Variants in A3GALT2 observed in about 807,000 individuals in gnomAD.
The protein encoded by A3GALT2 is alpha-1,3-galactosyltransferase 2.
A neutral mutation model predicts 16.6 loss-of-function variants in A3GALT2; 14 were observed. That is an observed-to-expected ratio of 0.84 (90% confidence interval 0.56 to 1.32). The LOEUF (loss-of-function observed/expected upper bound fraction) is 1.32, where lower values mean the gene tolerates loss of function less well. Among genes scored for constraint, A3GALT2 ranks in the 40% most tolerant of loss-of-function variants. A3GALT2 has a pLI of 0.00. For synonymous variants in A3GALT2, 253 were observed against 218.0 expected (o/e 1.16, Z -1.42); for missense variants, 600 against 490.9 (o/e 1.22, Z -2.10).
Position 33,307,018 on chromosome 1 carries a change from C to T in A3GALT2, c.771G>A (p.Val257=), listed in dbSNP as rs1300245687. 29 of 1,473,296 alleles carry T rather than the reference C, an allele frequency of 2.0e-5. No homozygotes were observed. The East Asian group carries it at 8.1e-4, about 41-fold the overall frequency. The allele number at this position is 1,473,296 out of a possible 1,614,324, so 91.3% of individuals were successfully genotyped here. A position where few individuals can be genotyped will look rare whatever the true frequency, so the allele number is the denominator to read the frequency against. The change falls in exon 5 of 5, where the codon GTG becomes GTA. Residue 257 remains valine, a synonymous_variant. Coordinates refer to ENST00000442999, the MANE Select transcript of A3GALT2 (RefSeq NM_001080438.1). ...GQGDFYNHAA[V]FGGSVAALRG... is the part of the protein sequence containing the mutation. ...GCAGCGCCGCCACGCTGCCCCCGAACACCGCCGCGTGGTTATAGAAGTCGC... is the reference window on the plus strand; with the variant it reads ...GCAGCGCCGCCACGCTGCCCCCGAATACCGCCGCGTGGTTATAGAAGTCGC...
intron 1 of A3GALT2, among the ~76,000 whole-genome samples, chr1:33,318,783 C>T (rs901534330): frequency 6.6e-6 from 1 of 152,164 alleles, no homozygotes; most frequent in African/African-American, 2.4e-5. Context: ...CAGGATGTGC[C>T]TCTGTCCCTT....
rs1195221584 is a variant in A3GALT2 at position 33,307,452 on chromosome 1, A to G, written c.337T>C (p.Tyr113His). Reference protein sequence around the residue: ...IGLTIFAVGRYLEKYLERFLE... With the variant: ...IGLTIFAVGRHLEKYLERFLE... Reference sequence around the variant, plus strand: ...AAGCGCTCCAGGTACTTCTCCAGGTATCTAAGGGCGCGGCGCCACCGTCAG... The same window carrying G: ...AAGCGCTCCAGGTACTTCTCCAGGTGTCTAAGGGCGCGGCGCCACCGTCAG... The change falls in exon 5 of 5, where the codon TAC becomes CAC. Residue 113 changes from tyrosine to histidine, a missense_variant and splice_region_variant. Physicochemically the swap from Tyr to His is moderately conservative, Grantham distance 83 (BLOSUM62 2). Transcript: ENST00000442999. 4.0e-6 allele frequency: 6 copies of G among 1,496,118 alleles called. No individual in the cohort carries two copies. The East Asian group carries it at 1.4e-4, about 34-fold the overall frequency. The allele number at this position is 1,496,118 out of a possible 1,614,324, so 92.7% of individuals were successfully genotyped here.
chr1:33,308,765 T>G (rs1310345474), intron 4 of A3GALT2, among the ~76,000 whole-genome samples: 18 of 120,852 alleles, frequency 1.5e-4, no homozygotes, highest in South Asian at 7.4e-4. Context: ...TTTTTTTTTT[T>G]TTTTTTTTTT....
In A3GALT2 at chr1:33,312,589, G is replaced by T. The variant is rs774804970; in HGVS notation, c.109C>A (p.His37Asn). The change falls in exon 3 of 5, where the codon CAT (histidine) becomes AAT (asparagine). Residue 37 changes from histidine to asparagine, a missense_variant and splice_region_variant. By Grantham distance (68) the His-to-Asn change is moderately conservative. Transcript: ENST00000442999. The part of the protein sequence containing the change: ...LFLYGLPKFR[H>N]LEALIPMGVC... ...CCCATGGGGATGAGGGCTTCCAGAT[G>T]CCTGTGGTGGGTTGAGGGGCGGGGG... 4.6e-5 allele frequency: 73 copies of T among 1,582,830 alleles called. No homozygotes were observed. The highest frequency in any genetic ancestry group is 1.4e-5 in the African/African-American group (1 of 73,898).
chr1:33,311,917 G>A (rs1646234367), intron 4 of A3GALT2, 135 bp downstream of exon 4: 7 of 1,300,964 alleles, frequency 5.4e-6, no homozygotes, highest in Non-Finnish European at 7.3e-6. Flanking sequence ...TGTGGGGCAA[G>A]AAGTGTTGTC....
At chr1:33,308,752 T>TG (rs1167961712) in intron 4 of A3GALT2, among the ~76,000 whole-genome samples, 6 of 72,064 alleles carry the variant, frequency 8.3e-5, no homozygotes, top group Non-Finnish European at 1.3e-4. Flanking sequence ...TCAAAGTTGT[T>TG]TTTTTTTTTT....
At position 33,320,915 on chromosome 1, in the gene A3GALT2, C is replaced by G. The variant is rs1168563737; in HGVS notation, c.23+161G>C. ...TGTCTTTCTTCTCCTGGGGCAATGT[C>G]CCCTCTCGGAGCCACCTTTCCCCAG... On this transcript the variant is annotated intron_variant, in intron 1 of 4. Coordinates refer to ENST00000442999, the MANE Select transcript of A3GALT2 (RefSeq NM_001080438.1). The surrounding 1 kb of genome is among the most constrained non-coding windows in gnomAD (Gnocchi z 4.3). Among the ~76,000 whole-genome samples, 2 of 151,990 alleles carry G rather than the reference C, an allele frequency of 1.3e-5. No individual in the cohort carries two copies. The highest frequency in any genetic ancestry group is 2.9e-5 in the Non-Finnish European group (2 of 68,030).
intron 4 of A3GALT2, among the ~76,000 whole-genome samples, 178 bp downstream of exon 4, chr1:33,311,874 G>A (rs760911426): frequency 3.3e-4 from 50 of 152,236 alleles, no homozygotes; most frequent in Non-Finnish European, 2.4e-4. Context: ...GTCCAGGGAG[G>A]AGGAGAAGGA....
At chr1:33,312,745 G>T in intron 2 of A3GALT2, 62 bp downstream of exon 2, 1 of 1,517,808 alleles carries the variant, frequency 6.6e-7, no homozygotes, top group South Asian at 1.2e-5. Context: ...GAGGCACTTA[G>T]ACAGATCCCC....
intron 4 of A3GALT2, among the ~76,000 whole-genome samples, chr1:33,308,073 C>G (rs937173736): frequency 2.4e-5 from 2 of 84,926 alleles, no homozygotes; most frequent in African/African-American, 1.1e-4. Context: ...CCAGTGCTGC[C>G]TGGTCCTCCC....
chr1:33,307,308 C>T lies in A3GALT2; in HGVS notation c.481G>A (p.Glu161Lys). The change falls in exon 5 of 5, where the codon GAG (glutamate) becomes AAG (lysine). Residue 161 changes from glutamate (E) to lysine (K), a missense_variant. By Grantham distance (56) the Glu-to-Lys change is moderately conservative. Coordinates refer to ENST00000442999, the MANE Select transcript of A3GALT2 (RefSeq NM_001080438.1). ...ALGPGRRLPV[E>K]RVARERRWQD... ...CAGCGCCGCTCGCGCGCCACGCGCT[C>T]CACGGGCAGCCGGCGTCCCGGGCCC... The T allele has an allele frequency of 6.0e-6, 9 of 1,493,554 alleles. No individual in the cohort carries two copies. The highest frequency in any genetic ancestry group is 7.1e-6 in the Non-Finnish European group (8 of 1,132,286). The allele number at this position is 1,493,554 out of a possible 1,614,324, so 92.5% of individuals were successfully genotyped here.
Position 33,306,960 on chromosome 1 carries a change from C to G in A3GALT2, c.829G>C (p.Asp277His). 6.7e-7 allele frequency: 1 copy of G among 1,503,506 alleles called. No individual in the cohort carries two copies. The highest frequency in any genetic ancestry group is 2.8e-5 in the East Asian group (1 of 36,176). 93.1% of individuals were successfully genotyped at this position (1,503,506 alleles called of 1,614,324 possible). The change falls in exon 5 of 5, where the codon GAC becomes CAC. Residue 277 changes from aspartate to histidine, a missense_variant. Coordinates refer to ENST00000442999, the MANE Select transcript of A3GALT2 (RefSeq NM_001080438.1). ...TCCAGGCCGCGCGCGCGGTCCCAGT[C>G]CAGGCCCCCCGCACAGTGCGCCGTC... ...GLTAHCAGGL[D>H]WDRARGLEAR... is the part of the protein sequence containing the mutation.
At position 33,320,376 on chromosome 1, in the gene A3GALT2, T is replaced by G. The variant is rs1269882083; in HGVS notation, c.23+700A>C. Among the ~76,000 whole-genome samples, 1 of 152,032 alleles carries G rather than the reference T, an allele frequency of 6.6e-6. No homozygotes were observed. Among genetic ancestry groups the G allele is most frequent in the Admixed American group, 6.6e-5 (1 of 15,122 alleles). On this transcript the variant is annotated intron_variant, in intron 1 of 4. Coordinates refer to ENST00000442999, the MANE Select transcript of A3GALT2 (RefSeq NM_001080438.1). This position sits in a 1 kb window ranked among gnomAD's most constrained non-coding sequence, Gnocchi z 4.3. ...AACCAGGGTAGGGCAAACCGATGCTTATTCTGGGCTCTGGGCCTCAGCCAG... is the reference window on the plus strand; with the variant it reads ...AACCAGGGTAGGGCAAACCGATGCTGATTCTGGGCTCTGGGCCTCAGCCAG...
At chr1:33,310,647 G>A (rs1294940239) in intron 4 of A3GALT2, among the ~76,000 whole-genome samples, 1 of 152,212 alleles carries the variant, frequency 6.6e-6, no homozygotes, top group East Asian at 1.9e-4. Context: ...AACCCAGCTT[G>A]GCCTTAGAGC....
intron 1 of A3GALT2, among the ~76,000 whole-genome samples, chr1:33,316,840 AGAGG>A (rs879925619): frequency 6.6e-6 from 1 of 152,152 alleles, no homozygotes; most frequent in Non-Finnish European, 1.5e-5. Flanking sequence ...GAGAGAGTAC[AGAGG>A]GAGAGGAGGC....
chr1:33,310,214 A>C (rs1020509299), intron 4 of A3GALT2, among the ~76,000 whole-genome samples: 1 of 152,132 alleles, frequency 6.6e-6, no homozygotes, highest in Admixed American at 6.5e-5. Flanking sequence ...GAGGCAGGAG[A>C]ATCAGTCAGG....
At chr1:33,319,553 A>C (rs1484226031) in intron 1 of A3GALT2, among the ~76,000 whole-genome samples, 1 of 152,146 alleles carries the variant, frequency 6.6e-6, no homozygotes, top group Non-Finnish European at 1.5e-5. Context: ...TTCTTCCATA[A>C]AGGGAAAATT....
At chr1:33,317,712 A>T (rs1434636634) in intron 1 of A3GALT2, among the ~76,000 whole-genome samples, 1 of 152,268 alleles carries the variant, frequency 6.6e-6, no homozygotes, top group African/African-American at 2.4e-5. Context: ...TCAATGAATT[A>T]GGCATCTCTA....
intron 4 of A3GALT2, among the ~76,000 whole-genome samples, chr1:33,310,664 C>A (rs1363538957): frequency 6.6e-6 from 1 of 152,208 alleles, no homozygotes; most frequent in Non-Finnish European, 1.5e-5. Flanking sequence ...GAGCCTGTAC[C>A]TTTACTTGCA....
Sources: gnomAD v4.1 joint callset for allele counts (sites outside exome capture counted in the v4.1 genomes callset) on GRCh38, gnomAD v4.1.1 for gene constraint, Gnocchi (gnomAD v3.1) non-coding constraint, MANE v1.5 for transcripts, NCBI Gene and HGNC (gene_info 2026-07-23, HGNC 2026-07-21) for gene names.